WIPF2: variants seen among roughly 807,000 people sequenced by gnomAD.
WIPF2 encodes the protein WAS/WASL-interacting protein family member 2.
A neutral mutation model predicts 38.8 loss-of-function variants in WIPF2; 23 were observed. The ratio of observed to expected loss-of-function variants is 0.59; its 90% CI spans 0.43 to 0.84. The LOEUF is 0.84. Among genes scored for constraint, WIPF2 ranks in the 40% least tolerant of loss-of-function variants. WIPF2 has a pLI of 0.00. For missense variants in WIPF2, 574 were observed against 580.5 expected (o/e 0.99, Z 0.11); for synonymous variants, 210 against 223.2 (o/e 0.94, Z 0.53).
chr17:40,237,926 T>C (rs1057303977), intron 1 of WIPF2, among the ~76,000 whole-genome samples: 1 of 144,048 alleles, frequency 6.9e-6, no homozygotes, highest in African/African-American at 2.6e-5. Flanking sequence ...ATTAGCCAGG[T>C]GTGGTGACGT....
chr17:40,260,535 G>A lies in WIPF2; in HGVS notation c.64G>A (p.Ala22Thr). 6 of 1,613,726 alleles carry A rather than the reference G, an allele frequency of 3.7e-6. No homozygotes were observed. The highest frequency in any genetic ancestry group is 5.1e-6 in the Non-Finnish European group (6 of 1,179,898). ...GPPPPPTFHQ[A>T]NTEQPKLSRD... ...AACTTATATTTCTCTTATCCTCCAG[G>A]CAAACACAGAGCAGCCCAAGCTGAG... Residue 22 changes from alanine (A) to threonine (T), a missense_variant and splice_region_variant, in exon 3 of 8, where the codon GCA becomes ACA. Coordinates refer to ENST00000323571, the MANE Select transcript of WIPF2 (RefSeq NM_133264.5).
intron 1 of WIPF2, among the ~76,000 whole-genome samples, chr17:40,234,984 T>C (rs2030904234): frequency 6.6e-6 from 1 of 151,802 alleles, no homozygotes; most frequent in Admixed American, 6.6e-5. Flanking sequence ...AGTGGCGCGA[T>C]CTCAGCTCAC....
Position 40,273,832 on chromosome 17 carries a change from A to G in WIPF2, c.1013A>G (p.Asp338Gly), listed in dbSNP as rs774703061. ...CCTGTGATCCGAAATGGTGCCAGGGATGCTCCCCCTCCCCCACCACCATAC... is the reference window on the plus strand; with the variant it reads ...CCTGTGATCCGAAATGGTGCCAGGGGTGCTCCCCCTCCCCCACCACCATAC... ...PPPVIRNGARDAPPPPPPYRM... is the reference protein window; with the variant it reads ...PPPVIRNGARGAPPPPPPYRM... The change falls in exon 6 of 8, where the codon GAT (aspartate) becomes GGT (glycine). Residue 338 changes from aspartate to glycine, a missense_variant. Physicochemically the swap from Asp to Gly is moderately conservative, Grantham distance 94. Transcript: ENST00000323571. 1.0e-5 allele frequency: 16 copies of G among 1,599,784 alleles called. No homozygotes were observed. The highest frequency in any genetic ancestry group is 1.2e-5 in the Non-Finnish European group (14 of 1,169,824).
At chr17:40,238,148 C>T (rs2031050676) in intron 1 of WIPF2, among the ~76,000 whole-genome samples, 1 of 151,648 alleles carries the variant, frequency 6.6e-6, no homozygotes, top group Admixed American at 6.6e-5. Context: ...TGAGCCACCA[C>T]CCCTGTCTCC....
At chr17:40,220,631 A>ATATATATATATATATT (rs1567705944) in intron 1 of WIPF2, 1 of 123,990 alleles carries the variant, frequency 8.1e-6, no homozygotes, top group African/African-American at 3.2e-5. Flanking sequence ...ATATATATAT[A>ATATATATATATATATT]TTTTTTTGTT....
At chr17:40,265,585 A>T (rs932267264) in intron 5 of WIPF2, among the ~76,000 whole-genome samples, 1 of 152,166 alleles carries the variant, frequency 6.6e-6, no homozygotes, top group Admixed American at 6.6e-5. Context: ...TGCAGAGGCC[A>T]TAAGGCAGAA....
chr17:40,263,559 C>G (rs959784889), intron 4 of WIPF2, among the ~76,000 whole-genome samples: 7 of 126,024 alleles, frequency 5.6e-5, no homozygotes, highest in South Asian at 2.8e-4. Flanking sequence ...CCCCCCCCCC[C>G]GCAAATGGAG....
chr17:40,258,447 CTGTG>C (rs2031797387), intron 2 of WIPF2, among the ~76,000 whole-genome samples: 1 of 152,092 alleles, frequency 6.6e-6, no homozygotes, highest in Non-Finnish European at 1.5e-5. Context: ...CAAAAATTAG[CTGTG>C]CATGGTGGCG....
chr17:40,227,763 G>C (rs1023973396), intron 1 of WIPF2, among the ~76,000 whole-genome samples: 6 of 152,046 alleles, frequency 3.9e-5, no homozygotes, highest in Non-Finnish European at 7.4e-5. Flanking sequence ...TGAGGCACAA[G>C]AATCACTTGA....
chr17:40,260,466 C>T (rs926158720), intron 2 of WIPF2, 69 bp from the exon 3 acceptor site: 13 of 1,571,152 alleles, frequency 8.3e-6, no homozygotes, highest in South Asian at 2.3e-5. Context: ...GGATTACAGG[C>T]GTGAGCCACC....
rs754848037 is a variant in WIPF2 at position 40,256,431 on chromosome 17, G to A, written c.-29G>A. The A allele has an allele frequency of 6.2e-7, 1 of 1,600,262 alleles. No homozygotes were observed. Among genetic ancestry groups the A allele is most frequent in the South Asian group, 1.1e-5 (1 of 88,026 alleles). ...AAAGGTACAAATAAAGACGGAGAGA[G>A]AACAGTGCCAACTGGGAGCAGGGCA... is the stretch of plus-strand genomic sequence containing the variant. On this transcript the variant is annotated 5_prime_UTR_variant, in exon 2 of 8. Transcript: ENST00000323571.
Position 40,273,941 on chromosome 17 carries a change from TC to T in WIPF2, c.1124del (p.Pro375HisfsTer4). 2 of 1,560,692 alleles carry T rather than the reference TC, an allele frequency of 1.3e-6. No individual in the cohort carries two copies. The highest frequency in any genetic ancestry group is 1.7e-6 in the Non-Finnish European group (2 of 1,156,010). On this transcript the variant is annotated frameshift_variant, in exon 6 of 8. Transcript: ENST00000323571. LOFTEE classifies it high-confidence loss of function. ...RTPAGPPPPP[P>X]PPLRNGHRDS... ...CGCCAGCTGGGCCACCCCCTCCTCC[TC>T]CACCGCCCCTGAGGAATGGCCACAG... is the stretch of plus-strand genomic sequence containing the variant.
intron 4 of WIPF2, among the ~76,000 whole-genome samples, 164 bp from the exon 5 acceptor site, chr17:40,264,326 C>CAAAAAAAAAAAAAAAAAAA: frequency 4.2e-5 from 1 of 23,966 alleles, no homozygotes; most frequent in Non-Finnish European, 8.7e-5. Flanking sequence ...AACTTCGTCT[C>CAAAAAAAAAAAAAAAAAAA]AAAAAAAAAA....
At chr17:40,246,736 G>A (rs1309171902) in intron 1 of WIPF2, among the ~76,000 whole-genome samples, 1 of 152,036 alleles carries the variant, frequency 6.6e-6, no homozygotes, top group Non-Finnish European at 1.5e-5. Flanking sequence ...GTTCAATTCA[G>A]CAAGTGACTG....
At chr17:40,234,093 G>A (rs2030857250) in intron 1 of WIPF2, among the ~76,000 whole-genome samples, 1 of 151,552 alleles carries the variant, frequency 6.6e-6, no homozygotes, top group Non-Finnish European at 1.5e-5. Context: ...AACAGGCCAG[G>A]CACAGTGGCT....
rs1049973540 is a variant in WIPF2, at chr17:40,283,279, C to G, written c.*5054C>G. ...TATTTTTTTTTGAGACAGGATGTTGCTGTCATCCAGGCTGGAGTGCAGTGG... is the reference window on the plus strand; with the variant it reads ...TATTTTTTTTTGAGACAGGATGTTGGTGTCATCCAGGCTGGAGTGCAGTGG... On this transcript the variant is annotated 3_prime_UTR_variant, in exon 8 of 8. Transcript: ENST00000323571. The G allele has an allele frequency of 3.5e-5, 5 of 142,310 alleles. No homozygotes were observed. Among genetic ancestry groups the G allele is most frequent in the African/African-American group, 1.3e-4 (5 of 38,256 alleles). 8.8% of individuals were successfully genotyped at this position (142,310 alleles called of 1,614,324 possible). A position where few individuals can be genotyped will look rare whatever the true frequency, so the allele number is the denominator to read the frequency against.
At chr17:40,220,593 A>ATATATATATATATATATG (rs2030159976) in intron 1 of WIPF2, 3 of 76,998 alleles carry the variant, frequency 3.9e-5, no homozygotes, top group African/African-American at 6.2e-5. Context: ...ATATATATAT[A>ATATATATATATATATATG]TATATATATA....
chr17:40,256,840 T>C (rs1191009069), intron 2 of WIPF2, among the ~76,000 whole-genome samples: 6 of 152,168 alleles, frequency 3.9e-5, no homozygotes, highest in Non-Finnish European at 7.3e-5. Flanking sequence ...ATGGCATGTC[T>C]GGTTTCCTTG....
intron 1 of WIPF2, among the ~76,000 whole-genome samples, chr17:40,253,103 C>T (rs2031610852): frequency 6.9e-6 from 1 of 144,702 alleles, no homozygotes; most frequent in Non-Finnish European, 1.5e-5. Flanking sequence ...CACTCTGTCA[C>T]CCAGGCTGGA....
Sources: gnomAD v4.1 joint callset for allele counts (sites outside exome capture counted in the v4.1 genomes callset) on GRCh38, gnomAD v4.1.1 for gene constraint, MANE v1.5 for transcripts, NCBI Gene and HGNC (gene_info 2026-07-23, HGNC 2026-07-21) for gene names.